CCDC150: variants seen among roughly 807,000 people sequenced by gnomAD.
The protein encoded by CCDC150 is coiled-coil domain containing 150.
Under a neutral mutation model 156.5 loss-of-function variants are expected in CCDC150, and 151 were observed. The observed-to-expected ratio is 0.97, with a 90% CI of 0.85 to 1.10. The LOEUF is 1.10. Among genes scored for constraint, CCDC150 ranks in the 50% least tolerant of loss-of-function variants. The pLI, the probability that CCDC150 is intolerant of heterozygous loss-of-function variation, is 0.00. For missense variants in CCDC150, 1,312 were observed against 1,268.1 expected, an observed-to-expected ratio of 1.03 and a Z score of -0.53; for synonymous variants, 452 against 429.4, an observed-to-expected ratio of 1.05 and a Z score of -0.65.
At chr2:196,701,728 A>C (rs1328162495) in intron 15 of CCDC150, among the ~76,000 whole-genome samples, 1 of 152,214 alleles carries the variant, frequency 6.6e-6, no homozygotes, top group African/African-American at 2.4e-5. Flanking sequence ...AAAATTCCTC[A>C]TGCTGGGAAG....
intron 14 of CCDC150, among the ~76,000 whole-genome samples, chr2:196,699,518 C>T (rs1459402606): frequency 8.8e-6 from 1 of 113,936 alleles, no homozygotes; most frequent in Non-Finnish European, 1.7e-5. Flanking sequence ...CTCTAGACTA[C>T]TGTGCCTTTT....
chr2:196,694,939 A>G lies in CCDC150; in HGVS notation c.1510-107A>G, dbSNP rs558442833. On this transcript the variant is annotated intron_variant, in intron 13 of 27. Transcript: ENST00000389175. ...TCCACATTTAGAGGCAAGGAAACAT[A>G]TGGACAATACTGTCCATTTTACAGT... The G allele has an allele frequency of 3.3e-5, 19 of 580,200 alleles. No individual in the cohort carries two copies. In the South Asian group the frequency reaches 4.7e-4, roughly 14 times the overall value. 35.9% of individuals were successfully genotyped at this position (580,200 alleles called of 1,614,324 possible).
chr2:196,716,505 CATACA>C (rs532547446), intron 17 of CCDC150, among the ~76,000 whole-genome samples: 167 of 152,242 alleles, frequency 1.1e-3, no homozygotes, highest in African/African-American at 3.7e-3. Context: ...AAAAAGAGTG[CATACA>C]ATACAATTCC....
intron 12 of CCDC150, among the ~76,000 whole-genome samples, chr2:196,676,946 A>G (rs1694542469): frequency 3.3e-5 from 5 of 152,210 alleles, no homozygotes; most frequent in Admixed American, 3.3e-4. Flanking sequence ...GCGTTAGTGA[A>G]TGTTAACTAG....
chr2:196,672,986 T>G (rs1694293415), intron 9 of CCDC150, among the ~76,000 whole-genome samples: 1 of 152,156 alleles, frequency 6.6e-6, no homozygotes, highest in African/African-American at 2.4e-5. Context: ...AAAGAAGTGT[T>G]TATCATTTAA....
intron 1 of CCDC150, among the ~76,000 whole-genome samples, chr2:196,645,299 C>T (rs1327792251): frequency 1.3e-5 from 2 of 152,158 alleles, no homozygotes; most frequent in African/African-American, 4.8e-5. Context: ...AATTCTTGCC[C>T]TGGGTCCCAG....
At position 196,639,793 on chromosome 2, in the gene CCDC150, C is replaced by T. The variant is rs779652526; in HGVS notation, c.12+15C>T. ...TGGACTGTAAGGTGAGGCTGCCGGG[C>T]CCCGGGCTGGTGAGGGGTGGTCGGA... On this transcript the variant is annotated intron_variant, in intron 1 of 27. Transcript: ENST00000389175. 1 of 1,574,712 alleles carries T rather than the reference C, an allele frequency of 6.4e-7. No homozygotes were observed. The highest frequency in any genetic ancestry group is 1.2e-5 in the South Asian group (1 of 85,236).
intron 13 of CCDC150, among the ~76,000 whole-genome samples, chr2:196,679,761 A>G (rs541150057): frequency 1.3e-5 from 2 of 152,164 alleles, no homozygotes; most frequent in Admixed American, 1.3e-4. Context: ...GTTTCTCTAC[A>G]TTCTCACTAG....
intron 22 of CCDC150, chr2:196,727,712 C>G (rs1385104356): frequency 2.6e-5 from 4 of 151,950 alleles, no homozygotes; most frequent in African/African-American, 9.7e-5. Flanking sequence ...AGTCGGAGAT[C>G]ATTGTTAAGA....
At chr2:196,702,343 C>CTGTGTGTG (rs3220631) in intron 15 of CCDC150, among the ~76,000 whole-genome samples, 54,325 of 143,494 alleles carry the variant, frequency 0.38, 11,852 homozygotes, top group East Asian at 0.67. Context: ...GACTGAAGTG[C>CTGTGTGTG]TGTGTGTGTG....
chr2:196,729,820 G>GA lies in CCDC150; in HGVS notation c.2780dup (p.Leu928AlafsTer3). 6.3e-7 allele frequency: 1 copy of GA among 1,588,638 alleles called. No homozygotes were observed. Among genetic ancestry groups the GA allele is most frequent in the Non-Finnish European group, 8.6e-7 (1 of 1,161,216 alleles). On this transcript the variant is annotated frameshift_variant, in exon 24 of 28. Transcript: ENST00000389175. LOFTEE classifies it high-confidence loss of function. ...AATAGAAAAAGAATTGAAGCAAATGGAGCTAATTAAGGATCAATATCAGAA... is the reference window on the plus strand; with the variant it reads ...AATAGAAAAAGAATTGAAGCAAATGGAAGCTAATTAAGGATCAATATCAGAA...
chr2:196,726,097 G>C lies in CCDC150; in HGVS notation c.2554G>C (p.Glu852Gln). ...TKKVAQREVAELKKALDEANF... is the reference protein window; with the variant it reads ...TKKVAQREVAQLKKALDEANF... ...GAAAGTGGCACAACGGGAAGTGGCTGAGGTATAGTCATGAGAAAAGTTTCT... is the reference window on the plus strand; with the variant it reads ...GAAAGTGGCACAACGGGAAGTGGCTCAGGTATAGTCATGAGAAAAGTTTCT... The change falls in exon 22 of 28, where the codon GAG (glutamate) becomes CAG (glutamine). Residue 852 changes from glutamate (E) to glutamine (Q), a missense_variant and splice_region_variant. By Grantham distance (29) the Glu-to-Gln change is conservative. Coordinates refer to ENST00000389175, the MANE Select transcript of CCDC150 (RefSeq NM_001080539.2). 1 of 1,612,886 alleles carries C rather than the reference G, an allele frequency of 6.2e-7. No individual in the cohort carries two copies. The highest frequency in any genetic ancestry group is 1.3e-5 in the African/African-American group (1 of 75,042).
At chr2:196,647,513 C>A (rs1016455005) in intron 2 of CCDC150, among the ~76,000 whole-genome samples, 17 of 152,052 alleles carry the variant, frequency 1.1e-4, no homozygotes, top group African/African-American at 3.9e-4. Context: ...GTGGTCCTCA[C>A]TTATCACACA....
intron 21 of CCDC150, 36 bp downstream of exon 21, chr2:196,721,727 C>T (rs1156260924): frequency 2.0e-6 from 3 of 1,517,328 alleles, no homozygotes; most frequent in Non-Finnish European, 2.7e-6. Flanking sequence ...ATTAGGGAAG[C>T]ACCTCTGGAG....
Position 196,730,736 on chromosome 2 carries a change from C to T in CCDC150, c.2983-123C>T, listed in dbSNP as rs1575989788. 9 of 687,510 alleles carry T rather than the reference C, an allele frequency of 1.3e-5. No individual in the cohort carries two copies. In the East Asian group the frequency reaches 2.5e-4, roughly 19 times the overall value. 42.6% of individuals were successfully genotyped at this position (687,510 alleles called of 1,614,324 possible). A position where few individuals can be genotyped will look rare whatever the true frequency, so the allele number is the denominator to read the frequency against. ...GTTTTTATCTCATATGTCAGTAGCA[C>T]CTGAAGTTAGAAGGCACTCCATCCT... On this transcript the variant is annotated intron_variant, in intron 25 of 27. Coordinates refer to ENST00000389175, the MANE Select transcript of CCDC150 (RefSeq NM_001080539.2).
chr2:196,670,504 T>G (rs752912771), intron 8 of CCDC150, among the ~76,000 whole-genome samples: 5 of 151,892 alleles, frequency 3.3e-5, no homozygotes, highest in Non-Finnish European at 7.4e-5. Context: ...AAGCCCCACC[T>G]ACAATGCACA....
At position 196,716,935 on chromosome 2, in the gene CCDC150, A is replaced by G. The variant is rs1697553685; in HGVS notation, c.1867-1568A>G. Among the ~76,000 whole-genome samples the G allele has an allele frequency of 4.4e-5, 6 of 136,980 alleles. No homozygotes were observed. In the Admixed American group the frequency reaches 5.2e-4, roughly 12 times the overall value. The allele number at this position is 136,980 out of a possible 152,430, so 89.9% of individuals were successfully genotyped here. ...CAGTGGCGCCATCTTGGCTTGGCTC[A>G]CTGCAACCTCTGCCTCCTGGGTTCA... On this transcript the variant is annotated intron_variant, in intron 17 of 27. Transcript: ENST00000389175.
At chr2:196,652,200 T>C (rs1692920246) in intron 2 of CCDC150, among the ~76,000 whole-genome samples, 1 of 152,220 alleles carries the variant, frequency 6.6e-6, no homozygotes. Flanking sequence ...CTGCAAAATA[T>C]AATTATCACT....
At chr2:196,692,790 A>G (rs572796470) in intron 13 of CCDC150, among the ~76,000 whole-genome samples, 42 of 152,286 alleles carry the variant, frequency 2.8e-4, no homozygotes, top group African/African-American at 9.9e-4. Context: ...AGAAGAATGT[A>G]TATTTGTTGT....
Sources: allele counts gnomAD v4.1 joint callset (sites outside exome capture counted in the v4.1 genomes callset), GRCh38; gene constraint gnomAD v4.1.1; transcripts MANE v1.5; gene names NCBI Gene and HGNC (gene_info 2026-07-23, HGNC 2026-07-21).